The following EPSTI1 variants were observed in gnomAD, a reference collection of about 807,000 sequenced individuals.
The protein encoded by EPSTI1 is epithelial stromal interaction 1.
EPSTI1 carries 66 observed loss-of-function variants against 49.9 expected under a neutral mutation model. The ratio of observed to expected loss-of-function variants is 1.32; its 90% CI spans 1.08 to 1.62. The LOEUF is 1.62. Among genes scored for constraint, EPSTI1 ranks in the 40% most tolerant of loss-of-function variants. The pLI is 0.00. For synonymous variants in EPSTI1, 137 were observed against 130.7 expected (o/e 1.05, Z -0.33); for missense variants, 394 against 365.5 (o/e 1.08, Z -0.64).
Position 42,940,418 on chromosome 13 carries a change from C to T in EPSTI1, c.563+13530G>A, listed in dbSNP as rs115514718. On this transcript the variant is annotated intron_variant, in intron 6 of 10. Coordinates refer to ENST00000313624, the MANE Select transcript of EPSTI1 (RefSeq NM_033255.5). ...ACTATGTTCCTTCATAGGAATTGTT[C>T]GAATCCTACACAGTTATCCTACACA... is the stretch of plus-strand genomic sequence containing the variant. 3.5e-3 allele frequency among the ~76,000 whole-genome samples: 531 copies of T among 152,280 alleles called. 3 individuals carry two copies. Among genetic ancestry groups the T allele is most frequent in the African/African-American group, 0.012 (505 of 41,570 alleles).
intron 6 of EPSTI1, among the ~76,000 whole-genome samples, chr13:42,937,408 T>C (rs1324100904): frequency 6.6e-6 from 1 of 152,232 alleles, no homozygotes; most frequent in Non-Finnish European, 1.5e-5. Context: ...GAAAGATTTG[T>C]GTGTAGCATG....
At chr13:42,968,325 TG>T (rs138456775) in intron 3 of EPSTI1, among the ~76,000 whole-genome samples, 2,697 of 147,940 alleles carry the variant, frequency 0.018, 84 homozygotes, top group African/African-American at 0.063. Flanking sequence ...ATGTTCTTGG[TG>T]GGGGGGCAGG....
rs115607187 is a variant in EPSTI1, at chr13:42,948,024, G to A, written c.563+5924C>T. ...CAACAGAGGTGGCGGAGTTGGGTCC[G>A]TCTGCAGACCCACCTTCCAGGCCTC... On this transcript the variant is annotated intron_variant, in intron 6 of 10. Transcript: ENST00000313624. Among the ~76,000 whole-genome samples, 550 of 152,336 alleles carry A rather than the reference G, an allele frequency of 3.6e-3. 3 individuals are homozygous for A. Among genetic ancestry groups the A allele is most frequent in the African/African-American group, 0.013 (523 of 41,584 alleles).
intron 10 of EPSTI1, among the ~76,000 whole-genome samples, chr13:42,890,686 T>C (rs1349008042): frequency 6.6e-6 from 1 of 152,182 alleles, no homozygotes; most frequent in Non-Finnish European, 1.5e-5. Flanking sequence ...TGTAGAAATG[T>C]AGTTTTTACA....
At chr13:42,943,756 A>G (rs1190683019) in intron 6 of EPSTI1, among the ~76,000 whole-genome samples, 1 of 152,172 alleles carries the variant, frequency 6.6e-6, no homozygotes, top group Non-Finnish European at 1.5e-5. Flanking sequence ...TGGGAGAAAA[A>G]TGTTGCAATC....
At chr13:42,977,773 C>A (rs1372735526) in intron 1 of EPSTI1, among the ~76,000 whole-genome samples, 1 of 152,180 alleles carries the variant, frequency 6.6e-6, no homozygotes, top group Non-Finnish European at 1.5e-5. Context: ...TATTTTTTCA[C>A]CTGTGAAATC....
At chr13:42,909,701 A>G (rs941519143) in intron 8 of EPSTI1, among the ~76,000 whole-genome samples, 4 of 152,132 alleles carry the variant, frequency 2.6e-5, no homozygotes, top group Non-Finnish European at 5.9e-5. Flanking sequence ...ACCACATGAT[A>G]TCATTTATAT....
chr13:42,917,659 A>AG, intron 7 of EPSTI1, 35 bp from the exon 8 acceptor site: 2 of 1,408,928 alleles, frequency 1.4e-6, no homozygotes, highest in Admixed American at 2.1e-5. Context: ...AAAAAAAAAA[A>AG]CAACTTGATA....
intron 1 of EPSTI1, among the ~76,000 whole-genome samples, chr13:42,982,248 C>T (rs989278160): frequency 6.6e-6 from 1 of 152,152 alleles, no homozygotes; most frequent in Non-Finnish European, 1.5e-5. Context: ...TGGTTTTCCT[C>T]AAAGCTACAC....
intron 7 of EPSTI1, 21 bp from the exon 8 acceptor site, chr13:42,917,645 A>T: frequency 7.0e-7 from 1 of 1,429,844 alleles, no homozygotes; most frequent in Non-Finnish European, 9.5e-7. Context: ...ACAAAGAGAA[A>T]AAAAAAAAAA....
In EPSTI1 at chr13:42,895,095, A is replaced by G. The variant is rs765437429; in HGVS notation, c.829T>C (p.Phe277Leu). ...QTEHRRVNNA[F>L]LDRLQGKSQP... ...CTTTTGCCTTGGAGTCGGTCCAGAA[A>G]AGCATTATTTACCCTTTAAAACAAT... Residue 277 changes from phenylalanine (F) to leucine (L), a missense_variant, in exon 10 of 11, where the codon TTT (phenylalanine) becomes CTT (leucine). Transcript: ENST00000313624. 2 of 1,612,814 alleles carry G rather than the reference A, an allele frequency of 1.2e-6. No individual in the cohort carries two copies. Among genetic ancestry groups the G allele is most frequent in the South Asian group, 1.1e-5 (1 of 90,714 alleles).
chr13:42,967,475 A>G (rs1353330404), intron 3 of EPSTI1, among the ~76,000 whole-genome samples: 1 of 152,202 alleles, frequency 6.6e-6, no homozygotes, highest in Non-Finnish European at 1.5e-5. Flanking sequence ...CCACATTCAC[A>G]GTTTATGAAA....
At chr13:42,910,406 C>T (rs1249767980) in intron 8 of EPSTI1, among the ~76,000 whole-genome samples, 2 of 151,832 alleles carry the variant, frequency 1.3e-5, no homozygotes, top group Admixed American at 1.3e-4. Context: ...GAATTACAGG[C>T]ACCTGCCACC....
chr13:42,921,685 G>A (rs1056892104), intron 7 of EPSTI1, among the ~76,000 whole-genome samples: 2 of 152,088 alleles, frequency 1.3e-5, no homozygotes, highest in East Asian at 3.9e-4. Context: ...CAATACAGCA[G>A]GCTCTCTGGA....
At chr13:42,989,403 A>G (rs1304748158) in intron 1 of EPSTI1, among the ~76,000 whole-genome samples, 1 of 152,096 alleles carries the variant, frequency 6.6e-6, no homozygotes, top group Non-Finnish European at 1.5e-5. Flanking sequence ...ACCCAGGTCT[A>G]CCCAGCATCA....
intron 6 of EPSTI1, among the ~76,000 whole-genome samples, chr13:42,939,239 C>G (rs2038671549): frequency 6.6e-6 from 1 of 152,186 alleles, no homozygotes; most frequent in Non-Finnish European, 1.5e-5. Context: ...TTCATATTAG[C>G]AATACAGCTA....
intron 10 of EPSTI1, among the ~76,000 whole-genome samples, chr13:42,890,304 T>TCTTTC (rs1566090865): frequency 6.7e-6 from 1 of 148,284 alleles, no homozygotes; most frequent in African/African-American, 2.5e-5. Context: ...TTCTTTTTTT[T>TCTTTC]TTTTTTTTTT....
At chr13:42,948,086 C>T (rs554535211) in intron 6 of EPSTI1, among the ~76,000 whole-genome samples, 7 of 152,386 alleles carry the variant, frequency 4.6e-5, no homozygotes, top group Admixed American at 4.6e-4. Context: ...CCGCAGCTGC[C>T]AGGCTTCCCA....
chr13:42,971,379 T>C (rs2039763610), intron 1 of EPSTI1, among the ~76,000 whole-genome samples: 1 of 152,208 alleles, frequency 6.6e-6, no homozygotes, highest in Non-Finnish European at 1.5e-5. Flanking sequence ...ACAAAGACAT[T>C]GGCTGCTTGA....
Sources: gnomAD v4.1 joint callset for allele counts (sites outside exome capture counted in the v4.1 genomes callset) on GRCh38, gnomAD v4.1.1 for gene constraint, MANE v1.5 for transcripts, NCBI Gene and HGNC (gene_info 2026-07-23, HGNC 2026-07-21) for gene names.